WDR19: variants seen among roughly 807,000 people sequenced by gnomAD.
WDR19 encodes WD repeat-containing protein 19.
In WDR19, 121 loss-of-function variants were observed where a neutral mutation model predicts 180.0. That is an observed-to-expected ratio of 0.67 (90% CI 0.58 to 0.78). The LOEUF is 0.78. Ranked by LOEUF, WDR19 falls within the 30% of genes least tolerant of loss-of-function variation. WDR19 has a pLI of 0.00. For synonymous variants in WDR19, 497 were observed against 540.7 expected (o/e 0.92, Z 1.12); for missense variants, 1,450 against 1,640.7 (o/e 0.88, Z 2.01).
Position 39,258,555 on chromosome 4 carries a change from A to G in WDR19, c.3183+1001A>G, listed in dbSNP as rs866670424. On this transcript the variant is annotated intron_variant, in intron 28 of 36. Coordinates refer to ENST00000399820, the MANE Select transcript of WDR19 (RefSeq NM_025132.4). ...GTTAATGGACTTTTGAGTTGTCTCC[A>G]GTTTGGGCATATTAGGAATAAAGCT... 1.4e-4 allele frequency among the ~76,000 whole-genome samples: 22 copies of G among 152,280 alleles called. No individual in the cohort carries two copies. The Middle Eastern group carries it at 0.037, about 259-fold the overall frequency.
At chr4:39,188,270 T>C (rs1421921001) in intron 3 of WDR19, among the ~76,000 whole-genome samples, 1 of 152,048 alleles carries the variant, frequency 6.6e-6, no homozygotes, top group Non-Finnish European at 1.5e-5. Context: ...AAAAGGTAAA[T>C]ATTTTTATTA....
intron 28 of WDR19, among the ~76,000 whole-genome samples, chr4:39,258,421 G>A (rs769346601): frequency 2.2e-4 from 34 of 152,134 alleles, no homozygotes; most frequent in Non-Finnish European, 4.3e-4. Context: ...AAAGTGCTGG[G>A]ATTACAGGTG....
chr4:39,185,759 G>A lies in WDR19; in HGVS notation c.40G>A (p.Gly14Ser). Residue 14 changes from glycine to serine, a missense_variant, in exon 2 of 37, where the codon GGC (glycine) becomes AGC (serine). Transcript: ENST00000399820. ...IFSLLEKTWL[G>S]APIQFAWQKT... ...CTCACTGCTAGAAAAGACTTGGCTT[G>A]GCGCACCAATACAGTTTGCCTGGCA... 2 of 1,559,336 alleles carry A rather than the reference G, an allele frequency of 1.3e-6. No homozygotes were observed. Among genetic ancestry groups the A allele is most frequent in the Non-Finnish European group, 1.7e-6 (2 of 1,150,718 alleles).
intron 14 of WDR19, 100 bp downstream of exon 14, chr4:39,218,205 A>G: frequency 7.6e-7 from 1 of 1,324,228 alleles, no homozygotes; most frequent in Non-Finnish European, 1.0e-6. Context: ...TTCTATATTG[A>G]ATCCAATACA....
intron 13 of WDR19, 25 bp downstream of exon 13, chr4:39,217,265 A>G (rs1409834695): frequency 1.3e-6 from 2 of 1,506,064 alleles, no homozygotes; most frequent in Non-Finnish European, 1.8e-6. Context: ...GATGTCCTGG[A>G]GACGCGCTAA....
intron 36 of WDR19, among the ~76,000 whole-genome samples, chr4:39,283,767 C>T (rs1242159667): frequency 6.6e-6 from 1 of 152,052 alleles, no homozygotes; most frequent in Admixed American, 6.5e-5. Context: ...TGCCTGAATC[C>T]AAGTTTCCAT....
chr4:39,245,342 A>C, intron 23 of WDR19, 27 bp from the exon 24 acceptor site: 1 of 1,596,070 alleles, frequency 6.3e-7, no homozygotes, highest in Non-Finnish European at 8.6e-7. Flanking sequence ...CAGTACTCAT[A>C]CTGTTCTCCT....
chr4:39,188,881 G>T (rs1026928253), intron 3 of WDR19, among the ~76,000 whole-genome samples: 1 of 151,788 alleles, frequency 6.6e-6, no homozygotes, highest in African/African-American at 2.4e-5. Flanking sequence ...CTCCTGAGTA[G>T]CTGAGTAGCA....
intron 23 of WDR19, 31 bp from the exon 24 acceptor site, chr4:39,245,338 T>C: frequency 1.9e-6 from 3 of 1,557,796 alleles, no homozygotes; most frequent in Non-Finnish European, 2.7e-6. Context: ...AACACAGTAC[T>C]CATACTGTTC....
At chr4:39,252,251 T>C (rs372721367) in intron 24 of WDR19, among the ~76,000 whole-genome samples, 1 of 150,228 alleles carries the variant, frequency 6.7e-6, no homozygotes, top group African/African-American at 2.5e-5. Context: ...AGCAAACTAT[T>C]GCAAGGACAA....
chr4:39,248,398 A>G (rs902683530), intron 24 of WDR19, among the ~76,000 whole-genome samples: 3 of 152,222 alleles, frequency 2.0e-5, no homozygotes, highest in Non-Finnish European at 4.4e-5. Flanking sequence ...CTGCAAAAAC[A>G]TGCCAAATTG....
At position 39,285,677 on chromosome 4, in the gene WDR19, T is replaced by C. The variant is rs1276668241; in HGVS notation, c.*204T>C. ...GCTGTTTATTGTACTTTGTATATTA[T>C]TTCCTCTTCAAAGTCTTTCTTACAC... On this transcript the variant is annotated 3_prime_UTR_variant, in exon 37 of 37. Transcript: ENST00000399820. 6.6e-6 allele frequency: 1 copy of C among 152,248 alleles called. No homozygotes were observed. The highest frequency in any genetic ancestry group is 2.4e-5 in the African/African-American group (1 of 41,462). The allele number at this position is 152,248 out of a possible 1,614,324, so 9.4% of individuals were successfully genotyped here.
chr4:39,281,236 T>TATATATATATAGAGAGAGAGAGAG (rs762298152), intron 36 of WDR19, among the ~76,000 whole-genome samples: 1 of 104,036 alleles, frequency 9.6e-6, no homozygotes, highest in Admixed American at 9.1e-5. Flanking sequence ...TATATATATA[T>TATATATATATAGAGAGAGAGAGAG]AGAGAGAGAG....
In WDR19 at chr4:39,234,615, A is replaced by AGGG; in HGVS notation, c.2254-151_2254-150insGGG. ...TCTATCAAGACCCTATTGAGAATAC[A>AGGG]TACTATAGTAATATATTATCATTGT... On this transcript the variant is annotated intron_variant, in intron 19 of 36. Coordinates refer to ENST00000399820, the MANE Select transcript of WDR19 (RefSeq NM_025132.4). The AGGG allele has an allele frequency of 4.7e-6, 3 of 636,734 alleles. No individual in the cohort carries two copies. In the South Asian group the frequency reaches 5.6e-5, roughly 12 times the overall value. 39.4% of individuals were successfully genotyped at this position (636,734 alleles called of 1,614,324 possible). A position where few individuals can be genotyped will look rare whatever the true frequency, so the allele number is the denominator to read the frequency against.
rs539642135 is a variant in WDR19 at position 39,208,783 on chromosome 4, A to G, written c.890+3047A>G. 2.0e-5 allele frequency among the ~76,000 whole-genome samples: 3 copies of G among 152,346 alleles called. No homozygotes were observed. In the South Asian group the frequency reaches 6.2e-4, roughly 32 times the overall value. On this transcript the variant is annotated intron_variant, in intron 9 of 36. Coordinates refer to ENST00000399820, the MANE Select transcript of WDR19 (RefSeq NM_025132.4). ...TTGGCACAGCATTTAACCTTGTATT[A>G]GGTACTGTAAGTGACCTAAAGATGA...
rs781053305 is a variant in WDR19 at position 39,245,492 on chromosome 4, T to C, written c.2729+40T>C. On this transcript the variant is annotated intron_variant, in intron 24 of 36. Transcript: ENST00000399820. ...TCAAATTTATACCAATTTAAAGTAA[T>C]GTAAGCTTTACAAATTAACCATTGA... The C allele has an allele frequency of 3.1e-5, 49 of 1,579,520 alleles. No individual in the cohort carries two copies. In the Admixed American group the frequency reaches 8.6e-4, roughly 28 times the overall value.
Position 39,214,591 on chromosome 4 carries a change from TG to T in WDR19, c.891-9del. 1.4e-6 allele frequency: 2 copies of T among 1,473,200 alleles called. No individual in the cohort carries two copies. Among genetic ancestry groups the T allele is most frequent in the Non-Finnish European group, 1.9e-6 (2 of 1,070,752 alleles). The allele number at this position is 1,473,200 out of a possible 1,614,324, so 91.3% of individuals were successfully genotyped here. A position where few individuals can be genotyped will look rare whatever the true frequency, so the allele number is the denominator to read the frequency against. On this transcript the variant is annotated splice_polypyrimidine_tract_variant and intron_variant, in intron 9 of 36. Coordinates refer to ENST00000399820, the MANE Select transcript of WDR19 (RefSeq NM_025132.4). Reference sequence around the variant, plus strand: ...TATATATTTTTTAATAATGCATTTTTGTTTTTCAGCATTAAAATCCAAGACT... The same window carrying T: ...TATATATTTTTTAATAATGCATTTTTTTTTTCAGCATTAAAATCCAAGACT...
At chr4:39,274,057 A>G (rs1237157028) in intron 32 of WDR19, 1 of 152,224 alleles carries the variant, frequency 6.6e-6, no homozygotes, top group Admixed American at 6.5e-5. Context: ...ATAGAGCTTT[A>G]TGTTTGGACA....
chr4:39,200,937 TAGA>T (rs1328674491), intron 6 of WDR19, among the ~76,000 whole-genome samples: 1 of 152,176 alleles, frequency 6.6e-6, no homozygotes. Context: ...ATTTGGGAGA[TAGA>T]GGAGATCAAT....
Sources: gnomAD v4.1 joint callset for allele counts (sites outside exome capture counted in the v4.1 genomes callset) on GRCh38, gnomAD v4.1.1 for gene constraint, MANE v1.5 for transcripts, NCBI Gene and HGNC (gene_info 2026-07-23, HGNC 2026-07-21) for gene names.